IL1RAPL1: variants seen among roughly 807,000 people sequenced by gnomAD.
The protein encoded by IL1RAPL1 is interleukin-1 receptor accessory protein-like 1.
A neutral mutation model predicts 48.4 loss-of-function variants in IL1RAPL1; 3 were observed. The ratio of observed to expected loss-of-function variants is 0.06; its 90% CI spans 0.03 to 0.16. IL1RAPL1 has a LOEUF of 0.16. IL1RAPL1 is among the 10% of genes least tolerant of loss of function. The pLI is 1.00. For synonymous variants in IL1RAPL1, 185 were observed against 187.7 expected, an observed-to-expected ratio of 0.99 and a Z score of 0.12; for missense variants, 349 against 530.6, an observed-to-expected ratio of 0.66 and a Z score of 3.36.
intron 2 of IL1RAPL1, among the ~76,000 whole-genome samples, chrX:28,883,131 A>T (rs1922545894): frequency 8.9e-6 from 1 of 111,821 alleles, no homozygotes. Context: ...TAATCCTATG[A>T]ACTGGTTACA....
chrX:29,133,523 G>A (rs1196601136), intron 2 of IL1RAPL1, among the ~76,000 whole-genome samples: 2 of 111,075 alleles, frequency 1.8e-5, no homozygotes, highest in African/African-American at 6.5e-5. Flanking sequence ...GTTTATTTTA[G>A]AGCTGTTCTG....
chrX:29,044,387 G>T (rs779422436), intron 2 of IL1RAPL1, among the ~76,000 whole-genome samples: 1 of 110,528 alleles, frequency 9.0e-6, no homozygotes, highest in Non-Finnish European at 1.9e-5. Flanking sequence ...CCAAGATCGC[G>T]CCACTACACT....
intron 2 of IL1RAPL1, among the ~76,000 whole-genome samples, chrX:28,844,290 G>A (rs1569184468): frequency 1.9e-5 from 2 of 105,386 alleles, no homozygotes; most frequent in Admixed American, 1.0e-4. Context: ...GGGGGTTTAC[G>A]TTCCCACCTT....
chrX:29,283,485 C>T (rs1374071901), intron 3 of IL1RAPL1, among the ~76,000 whole-genome samples: 1 of 112,182 alleles, frequency 8.9e-6, no homozygotes, highest in Non-Finnish European at 1.9e-5. Flanking sequence ...AAAATTTATA[C>T]AGGAAGTAAA....
At chrX:29,801,288 A>T (rs1929898895) in intron 6 of IL1RAPL1, among the ~76,000 whole-genome samples, 1 of 110,678 alleles carries the variant, frequency 9.0e-6, no homozygotes, top group Non-Finnish European at 1.9e-5. Context: ...TTGTTCTGAA[A>T]ATCTTCCCTT....
chrX:29,595,622 G>C, intron 5 of IL1RAPL1, among the ~76,000 whole-genome samples: 1 of 111,682 alleles, frequency 9.0e-6, no homozygotes, highest in Non-Finnish European at 1.9e-5. Context: ...TGAGTTCTTT[G>C]TAGATTCTAG....
chrX:29,183,275 G>C lies in IL1RAPL1; in HGVS notation c.83-99663G>C, dbSNP rs780141934. 3.8e-4 allele frequency among the ~76,000 whole-genome samples: 42 copies of C among 111,450 alleles called. No homozygotes were observed. The South Asian group carries it at 4.2e-3, about 11-fold the overall frequency. On this transcript the variant is annotated intron_variant, in intron 2 of 10. Transcript: ENST00000378993. ...TTCCCTCTTCTCCATCCCTGCAGAT[G>C]CTGACTGAGTTCGCTCTGATCATCT...
At chrX:29,541,436 AG>A (rs1486948830) in intron 5 of IL1RAPL1, among the ~76,000 whole-genome samples, 1 of 111,899 alleles carries the variant, frequency 8.9e-6, no homozygotes, top group Non-Finnish European at 1.9e-5. Context: ...CTAGGTATAT[AG>A]CCAAAAGAAA....
chrX:29,339,106 ACACACACG>A (rs1237409590), intron 3 of IL1RAPL1, among the ~76,000 whole-genome samples: 3 of 109,950 alleles, frequency 2.7e-5, no homozygotes, highest in Non-Finnish European at 5.7e-5. Context: ...ACACACACAC[ACACACACG>A]CACACACTCA....
chrX:29,254,768 G>A (rs930494289), intron 2 of IL1RAPL1, among the ~76,000 whole-genome samples: 11 of 111,422 alleles, frequency 9.9e-5, no homozygotes, highest in Non-Finnish European at 1.7e-4. Flanking sequence ...AAATGATGCT[G>A]CTGTGAAATC....
chrX:29,348,411 T>C (rs1236033610), intron 3 of IL1RAPL1, among the ~76,000 whole-genome samples: 1 of 111,954 alleles, frequency 8.9e-6, no homozygotes, highest in African/African-American at 3.2e-5. Flanking sequence ...AATGGAAGAG[T>C]TCAATGTAAC....
intron 6 of IL1RAPL1, among the ~76,000 whole-genome samples, chrX:29,782,921 T>TTTTTC (rs1297300281): frequency 1.2e-5 from 1 of 80,818 alleles, no homozygotes; most frequent in African/African-American, 6.0e-5. Context: ...TTTTTTTTTT[T>TTTTTC]TGAGACGGAG....
At chrX:28,767,743 G>GTGCA (rs1288361678) in intron 1 of IL1RAPL1, among the ~76,000 whole-genome samples, 1 of 103,710 alleles carries the variant, frequency 9.6e-6, no homozygotes, top group Non-Finnish European at 2.0e-5. Flanking sequence ...GTGTGTGTGT[G>GTGCA]TGCATGCACA....
chrX:29,839,759 A>AT (rs1601847199), intron 6 of IL1RAPL1, among the ~76,000 whole-genome samples: 1 of 110,760 alleles, frequency 9.0e-6, no homozygotes. Flanking sequence ...CTACAAAAAT[A>AT]TTTTTTTTAA....
intron 6 of IL1RAPL1, among the ~76,000 whole-genome samples, chrX:29,762,358 A>G (rs371138480): frequency 9.8e-5 from 11 of 111,783 alleles, no homozygotes; most frequent in East Asian, 5.6e-4. Context: ...CTTATCAAAA[A>G]CATTCCATGA....
At chrX:28,870,781 A>T (rs1438890214) in intron 2 of IL1RAPL1, among the ~76,000 whole-genome samples, 1 of 111,242 alleles carries the variant, frequency 9.0e-6, no homozygotes, top group Non-Finnish European at 1.9e-5. Flanking sequence ...TATTAACTAA[A>T]TGCCTTTTTG....
intron 2 of IL1RAPL1, among the ~76,000 whole-genome samples, chrX:28,869,027 T>G (rs1922143586): frequency 8.9e-6 from 1 of 112,758 alleles, no homozygotes; most frequent in African/African-American, 3.2e-5. Flanking sequence ...TCCCATGCTT[T>G]GCAGTGCTAT....
chrX:29,366,904 A>G (rs1161760643), intron 3 of IL1RAPL1, among the ~76,000 whole-genome samples: 4 of 111,038 alleles, frequency 3.6e-5, no homozygotes, highest in African/African-American at 1.3e-4. Flanking sequence ...CAATTCGAGA[A>G]AATCAGGAAG....
At chrX:29,813,054 C>T (rs745531223) in intron 6 of IL1RAPL1, among the ~76,000 whole-genome samples, 1 of 111,558 alleles carries the variant, frequency 9.0e-6, no homozygotes, top group Non-Finnish European at 1.9e-5. Context: ...AACTTATCTT[C>T]TATTAAATGT....
Sources: allele counts gnomAD v4.1 joint callset (sites outside exome capture counted in the v4.1 genomes callset), GRCh38; gene constraint gnomAD v4.1.1; transcripts MANE v1.5; gene names NCBI Gene and HGNC (gene_info 2026-07-23, HGNC 2026-07-21).